ZSWIM6: variants seen among roughly 807,000 people sequenced by gnomAD.
The protein encoded by ZSWIM6 is zinc finger SWIM domain-containing protein 6.
ZSWIM6 carries 9 observed loss-of-function variants against 113.2 expected under a neutral mutation model. The ratio of observed to expected loss-of-function variants is 0.08; its 90% CI spans 0.05 to 0.14. The LOEUF (loss-of-function observed/expected upper bound fraction) is 0.14, where lower values mean the gene tolerates loss of function less well. Ranked by LOEUF, ZSWIM6 falls within the 10% of genes least tolerant of loss-of-function variation. The probability of loss-of-function intolerance (pLI) is 1.00; values close to 1 mark genes in which losing one functional copy is unlikely to be tolerated. For missense variants in ZSWIM6, 1,162 were observed against 1,552.2 expected (o/e 0.75, Z 4.22); for synonymous variants, 611 against 606.5 (o/e 1.01, Z -0.11).
rs1186750536 is a variant in ZSWIM6, at chr5:61,332,693, AGCGGTGGCGGCGGCGGCGCGG to A, written c.426_446del (p.Ala147_Gly153del). On this transcript the variant is annotated inframe_deletion, in exon 1 of 14. Coordinates refer to ENST00000252744, the MANE Select transcript of ZSWIM6 (RefSeq NM_020928.2). ...CGCCGCGGGCGGCCCCGGCGACGACAGCGGTGGCGGCGGCGGCGCGGGCGGCGGCGGCGGCGGCGGCTCCTC... is the reference window on the plus strand; with the variant it reads ...CGCCGCGGGCGGCCCCGGCGACGACAGCGGCGGCGGCGGCGGCGGCTCCTC... The A allele has an allele frequency of 1.7e-4, 168 of 999,446 alleles. No individual in the cohort carries two copies. The highest frequency in any genetic ancestry group is 1.9e-4 in the Non-Finnish European group (162 of 837,244). The allele number at this position is 999,446 out of a possible 1,614,324, so 61.9% of individuals were successfully genotyped here.
At chr5:61,361,024 T>G (rs1745023829) in intron 1 of ZSWIM6, among the ~76,000 whole-genome samples, 3 of 152,114 alleles carry the variant, frequency 2.0e-5, no homozygotes, top group Admixed American at 1.3e-4. Context: ...AAAGATGAAA[T>G]ACATATATAT....
At chr5:61,447,304 T>C (rs927949612) in intron 1 of ZSWIM6, among the ~76,000 whole-genome samples, 12 of 152,188 alleles carry the variant, frequency 7.9e-5, no homozygotes, top group African/African-American at 2.6e-4. Flanking sequence ...TCAACACATA[T>C]ACAAACAATT....
At chr5:61,518,570 G>A (rs1233737155) in intron 4 of ZSWIM6, among the ~76,000 whole-genome samples, 1 of 152,046 alleles carries the variant, frequency 6.6e-6, no homozygotes, top group Non-Finnish European at 1.5e-5. Flanking sequence ...TGTGTTTTTT[G>A]GCTACATAAA....
At chr5:61,462,619 T>C (rs1324627718) in intron 1 of ZSWIM6, among the ~76,000 whole-genome samples, 2 of 152,214 alleles carry the variant, frequency 1.3e-5, no homozygotes, top group African/African-American at 2.4e-5. Context: ...CAGCAGCAAG[T>C]GCACTTACAC....
chr5:61,540,458 G>A (rs887929849), intron 12 of ZSWIM6, among the ~76,000 whole-genome samples: 6 of 152,150 alleles, frequency 3.9e-5, no homozygotes, highest in African/African-American at 1.4e-4. Flanking sequence ...GTTACCTAAA[G>A]AATGGGGAGT....
chr5:61,472,209 T>C lies in ZSWIM6; in HGVS notation c.677-472T>C, dbSNP rs1022449645. 6.6e-6 allele frequency among the ~76,000 whole-genome samples: 1 copy of C among 152,178 alleles called. No individual in the cohort carries two copies. Among genetic ancestry groups the C allele is most frequent in the African/African-American group, 2.4e-5 (1 of 41,438 alleles). On this transcript the variant is annotated intron_variant, in intron 1 of 13. Coordinates refer to ENST00000252744, the MANE Select transcript of ZSWIM6 (RefSeq NM_020928.2). This position sits in a 1 kb window ranked among gnomAD's most constrained non-coding sequence, Gnocchi z 4.1. ...GCAGTATTGGTTGGTTGGAGCCAGC[T>C]AGTGGCTGCCTAGAATAAAGGTGGG... is the stretch of plus-strand genomic sequence containing the variant.
chr5:61,459,279 GC>G (rs1481594561), intron 1 of ZSWIM6, among the ~76,000 whole-genome samples: 3 of 152,232 alleles, frequency 2.0e-5, no homozygotes, highest in Non-Finnish European at 2.9e-5. Flanking sequence ...TGGGCCAGTA[GC>G]TGATTTTTTT....
At chr5:61,485,163 C>A (rs1309804009) in intron 2 of ZSWIM6, among the ~76,000 whole-genome samples, 1 of 152,056 alleles carries the variant, frequency 6.6e-6, no homozygotes, top group African/African-American at 2.4e-5. Flanking sequence ...AGGGCAGATA[C>A]AATTCTTGCT....
intron 1 of ZSWIM6, chr5:61,391,780 C>G (rs1745720251): frequency 1.0e-6 from 1 of 968,082 alleles, no homozygotes; most frequent in Non-Finnish European, 1.7e-6. Flanking sequence ...CTTAGGAAAG[C>G]TCTTCACCTT....
chr5:61,516,097 T>C (rs1033105261), intron 4 of ZSWIM6, among the ~76,000 whole-genome samples: 2 of 151,920 alleles, frequency 1.3e-5, no homozygotes, highest in Non-Finnish European at 2.9e-5. Flanking sequence ...ATTTGGGTCT[T>C]GTTTTTTAGC....
intron 1 of ZSWIM6, among the ~76,000 whole-genome samples, chr5:61,458,292 A>C (rs1173535775): frequency 6.6e-6 from 1 of 152,204 alleles, no homozygotes; most frequent in Admixed American, 6.5e-5. Context: ...TTCACCATGC[A>C]TTTTGACTAT....
chr5:61,398,311 A>G (rs1745880799), intron 1 of ZSWIM6, among the ~76,000 whole-genome samples: 2 of 152,202 alleles, frequency 1.3e-5, no homozygotes, highest in South Asian at 4.1e-4. Flanking sequence ...TGTGTATGCA[A>G]GGGATCTAGG....
chr5:61,379,565 C>G (rs890129779), intron 1 of ZSWIM6, among the ~76,000 whole-genome samples: 1 of 152,138 alleles, frequency 6.6e-6, no homozygotes, highest in Non-Finnish European at 1.5e-5. Context: ...TTTAATACCA[C>G]AAAGAAGTGA....
intron 1 of ZSWIM6, among the ~76,000 whole-genome samples, chr5:61,362,115 TCTTTA>T (rs1028481382): frequency 5.9e-5 from 9 of 152,312 alleles, no homozygotes; most frequent in Non-Finnish European, 2.9e-5. Flanking sequence ...TCTTTTACTG[TCTTTA>T]CTTTATAAAC....
intron 2 of ZSWIM6, among the ~76,000 whole-genome samples, chr5:61,485,971 A>T (rs1345451570): frequency 6.6e-6 from 1 of 151,702 alleles, no homozygotes; most frequent in Non-Finnish European, 1.5e-5. Context: ...GTTTATTATC[A>T]TTTTTTATTT....
At chr5:61,373,588 C>A (rs1249067714) in intron 1 of ZSWIM6, among the ~76,000 whole-genome samples, 1 of 151,998 alleles carries the variant, frequency 6.6e-6, no homozygotes, top group African/African-American at 2.4e-5. Context: ...CTATTTCCAC[C>A]CTTGTCACTG....
intron 1 of ZSWIM6, 51 bp downstream of exon 1, chr5:61,332,999 T>TC (rs556012420): frequency 1.9e-6 from 1 of 518,838 alleles, no homozygotes; most frequent in African/African-American, 4.8e-5. Context: ...AGTCCCTGGG[T>TC]GGGGGGGGGG....
At chr5:61,456,111 C>T (rs1480185745) in intron 1 of ZSWIM6, among the ~76,000 whole-genome samples, 1 of 152,018 alleles carries the variant, frequency 6.6e-6, no homozygotes, top group Non-Finnish European at 1.5e-5. Context: ...TTCTGATTTT[C>T]TCCCTTAAAA....
At chr5:61,458,668 A>G (rs528447328) in intron 1 of ZSWIM6, among the ~76,000 whole-genome samples, 2 of 152,244 alleles carry the variant, frequency 1.3e-5, no homozygotes, top group East Asian at 1.9e-4. Flanking sequence ...ACTTGAGGTC[A>G]GGAGTTGGAG....
Sources: allele counts gnomAD v4.1 joint callset (sites outside exome capture counted in the v4.1 genomes callset), GRCh38; gene constraint gnomAD v4.1.1; non-coding constraint Gnocchi (gnomAD v3.1); transcripts MANE v1.5; gene names NCBI Gene and HGNC (gene_info 2026-07-23, HGNC 2026-07-21).